Variants in NRCAM observed in about 807,000 individuals in gnomAD.
NRCAM encodes the protein neuronal cell adhesion molecule, also known as NgCAM-related cell adhesion molecule.
Under a neutral mutation model 156.5 loss-of-function variants are expected in NRCAM, and 83 were observed. The observed-to-expected ratio is 0.53, with a 90% CI of 0.44 to 0.64. The LOEUF is 0.64. Among genes scored for constraint, NRCAM ranks in the 30% least tolerant of loss-of-function variants. The pLI is 0.00. For missense variants in NRCAM, 1,417 were observed against 1,597.3 expected, an observed-to-expected ratio of 0.89 and a Z score of 1.92; for synonymous variants, 538 against 563.9, an observed-to-expected ratio of 0.95 and a Z score of 0.65.
chr7:108,374,709 G>T (rs1010558105), intron 2 of NRCAM, among the ~76,000 whole-genome samples: 5 of 152,126 alleles, frequency 3.3e-5, no homozygotes, highest in Non-Finnish European at 7.3e-5. Context: ...TGCTCCAAAT[G>T]CAAGGTAAGT....
chr7:108,151,435 C>T (rs544633390), intron 32 of NRCAM, among the ~76,000 whole-genome samples: 1 of 150,932 alleles, frequency 6.6e-6, no homozygotes, highest in East Asian at 2.0e-4. Context: ...TTTTTCAAGC[C>T]AAGATACAAA....
chr7:108,317,783 C>T (rs1393610626), intron 2 of NRCAM, among the ~76,000 whole-genome samples: 1 of 151,624 alleles, frequency 6.6e-6, no homozygotes, highest in Non-Finnish European at 1.5e-5. Context: ...GTGGCGGGCA[C>T]CTGTAATCCC....
At chr7:108,168,606 A>G (rs2056442843) in intron 28 of NRCAM, among the ~76,000 whole-genome samples, 1 of 152,182 alleles carries the variant, frequency 6.6e-6, no homozygotes, top group Non-Finnish European at 1.5e-5. Flanking sequence ...AATAATCAGA[A>G]ATAATGACGC....
intron 13 of NRCAM, among the ~76,000 whole-genome samples, chr7:108,206,765 C>T (rs143708020): frequency 1.3e-5 from 2 of 152,246 alleles, no homozygotes; most frequent in East Asian, 3.9e-4. Context: ...CTGGCCTTTG[C>T]TATGATTTAG....
chr7:108,158,795 C>A (rs2047042792), intron 32 of NRCAM, among the ~76,000 whole-genome samples: 1 of 152,064 alleles, frequency 6.6e-6, no homozygotes, highest in Non-Finnish European at 1.5e-5. Context: ...CTAAAGTAAT[C>A]TTTTCCTTCT....
chr7:108,285,757 G>A (rs1446672511), intron 3 of NRCAM, among the ~76,000 whole-genome samples: 2 of 152,198 alleles, frequency 1.3e-5, no homozygotes, highest in Admixed American at 6.5e-5. Context: ...GAAGAGCAGA[G>A]AGATGGATTT....
intron 28 of NRCAM, among the ~76,000 whole-genome samples, chr7:108,170,020 C>G (rs553225957): frequency 2.2e-4 from 34 of 152,112 alleles, no homozygotes; most frequent in Admixed American, 1.4e-3. Flanking sequence ...CTAAACTGTT[C>G]ATTATTATTA....
chr7:108,370,033 T>A (rs987457717), intron 2 of NRCAM, among the ~76,000 whole-genome samples: 5 of 152,164 alleles, frequency 3.3e-5, no homozygotes, highest in African/African-American at 1.2e-4. Context: ...CTGAAAATAT[T>A]CGGTAATAGA....
chr7:108,157,918 A>G (rs1229069407), intron 32 of NRCAM, among the ~76,000 whole-genome samples: 2 of 152,102 alleles, frequency 1.3e-5, no homozygotes, highest in African/African-American at 4.8e-5. Flanking sequence ...GGCCACATTA[A>G]AGATTTTGCT....
intron 1 of NRCAM, 107 bp from the exon 2 acceptor site, chr7:108,399,700 T>TACTA (rs2099786391): frequency 6.6e-6 from 1 of 152,244 alleles, no homozygotes; most frequent in Non-Finnish European, 1.5e-5. Flanking sequence ...AAGGGGGACT[T>TACTA]ACTATATATC....
intron 25 of NRCAM, among the ~76,000 whole-genome samples, chr7:108,178,785 G>A (rs1002941794): frequency 6.6e-6 from 1 of 152,148 alleles, no homozygotes; most frequent in African/African-American, 2.4e-5. Context: ...ATGGCTGGTG[G>A]CAGCTCTCTC....
chr7:108,320,955 TTCA>T (rs1157488615), intron 2 of NRCAM, among the ~76,000 whole-genome samples: 7 of 152,234 alleles, frequency 4.6e-5, no homozygotes, highest in Non-Finnish European at 8.8e-5. Context: ...TTCTGTGCAT[TTCA>T]TATTCTGGAT....
chr7:108,243,710 A>G (rs1242732785), intron 3 of NRCAM, among the ~76,000 whole-genome samples: 1 of 152,182 alleles, frequency 6.6e-6, no homozygotes, highest in African/African-American at 2.4e-5. Context: ...AAAATAGATC[A>G]CCCTATTTAA....
chr7:108,433,913 T>A (rs952723493), intron 1 of NRCAM, among the ~76,000 whole-genome samples: 6 of 152,334 alleles, frequency 3.9e-5, no homozygotes, highest in African/African-American at 1.2e-4. Flanking sequence ...CCTAGGCCCA[T>A]CCATTCTGAC....
At chr7:108,316,271 T>G (rs1388812646) in intron 2 of NRCAM, among the ~76,000 whole-genome samples, 2 of 152,152 alleles carry the variant, frequency 1.3e-5, no homozygotes, top group African/African-American at 4.8e-5. Flanking sequence ...CCCTCTCTCA[T>G]CCTTCTGTTT....
chr7:108,168,450 A>ATACACAC (rs781692841), intron 28 of NRCAM, 48 bp from the exon 29 acceptor site: 16 of 1,462,682 alleles, frequency 1.1e-5, no homozygotes, highest in Non-Finnish European at 1.4e-5. Context: ...TTGCAACACC[A>ATACACAC]TACACACGAA....
At chr7:108,324,940 G>T (rs1391677861) in intron 2 of NRCAM, among the ~76,000 whole-genome samples, 1 of 121,208 alleles carries the variant, frequency 8.3e-6, no homozygotes, top group Admixed American at 1.1e-4. Context: ...CAGACACCAC[G>T]TACCAGGCAA....
chr7:108,449,557 G>T (rs1466646995), intron 1 of NRCAM, among the ~76,000 whole-genome samples: 1 of 152,150 alleles, frequency 6.6e-6, no homozygotes. Flanking sequence ...AAAACTCCAG[G>T]ACAAAACTCT....
chr7:108,305,468 A>G (rs2098701777), intron 3 of NRCAM, among the ~76,000 whole-genome samples: 1 of 152,190 alleles, frequency 6.6e-6, no homozygotes, highest in Non-Finnish European at 1.5e-5. Context: ...TTAGGAAACT[A>G]CATTAACTGC....
Sources: allele counts gnomAD v4.1 joint callset (sites outside exome capture counted in the v4.1 genomes callset), GRCh38; gene constraint gnomAD v4.1.1; transcripts MANE v1.5; gene names NCBI Gene and HGNC (gene_info 2026-07-23, HGNC 2026-07-21).